Variants in SGCZ observed in about 807,000 individuals in gnomAD.
SGCZ encodes sarcoglycan zeta.
Under a neutral mutation model 41.3 loss-of-function variants are expected in SGCZ, and 40 were observed. The ratio of observed to expected loss-of-function variants is 0.97; its 90% confidence interval spans 0.75 to 1.26. SGCZ has a LOEUF of 1.26. SGCZ is among the 50% of genes most tolerant of loss of function. The pLI, the probability that SGCZ is intolerant of heterozygous loss-of-function variation, is 0.00. For synonymous variants in SGCZ, 206 were observed against 137.5 expected (o/e 1.50, Z -3.49); for missense variants, 552 against 369.8 (o/e 1.49, Z -4.04).
At chr8:14,225,714 T>C (rs146741476) in intron 4 of SGCZ, among the ~76,000 whole-genome samples, 1 of 151,996 alleles carries the variant, frequency 6.6e-6, no homozygotes, top group African/African-American at 2.4e-5. Context: ...ATAACAGATA[T>C]AGGTGACATA....
intron 4 of SGCZ, among the ~76,000 whole-genome samples, chr8:14,193,784 A>G (rs1805181359): frequency 6.6e-6 from 1 of 151,810 alleles, no homozygotes; most frequent in South Asian, 2.1e-4. Flanking sequence ...GTCCAGTCCA[A>G]CATGTATTTG....
intron 1 of SGCZ, among the ~76,000 whole-genome samples, chr8:14,757,545 T>A (rs1585235735): frequency 6.6e-6 from 1 of 152,258 alleles, no homozygotes; most frequent in Admixed American, 6.5e-5. Flanking sequence ...AACAGAAATC[T>A]TTCCTTAAAA....
intron 1 of SGCZ, among the ~76,000 whole-genome samples, chr8:15,008,228 T>A (rs1802677382): frequency 6.6e-6 from 1 of 152,132 alleles, no homozygotes; most frequent in African/African-American, 2.4e-5. Flanking sequence ...AACCTTATTT[T>A]ATCTACTCTG....
At chr8:15,144,907 A>G (rs1585609846) in intron 1 of SGCZ, among the ~76,000 whole-genome samples, 3 of 152,190 alleles carry the variant, frequency 2.0e-5, no homozygotes, top group African/African-American at 7.2e-5. Flanking sequence ...AACCTGATAC[A>G]TTCCATCTGC....
intron 1 of SGCZ, among the ~76,000 whole-genome samples, chr8:14,646,210 C>G (rs569710156): frequency 2.7e-5 from 4 of 149,638 alleles, no homozygotes; most frequent in African/African-American, 1.0e-4. Flanking sequence ...CTGACTCCCC[C>G]TTCTCTAGTA....
At chr8:14,375,981 GA>G (rs201067322) in intron 2 of SGCZ, among the ~76,000 whole-genome samples, 1 of 152,066 alleles carries the variant, frequency 6.6e-6, no homozygotes, top group East Asian at 1.9e-4. Context: ...ATTCAGGTGA[GA>G]AAAAAGCATA....
chr8:14,203,664 C>G (rs940624263), intron 4 of SGCZ, among the ~76,000 whole-genome samples: 1 of 152,086 alleles, frequency 6.6e-6, no homozygotes, highest in Non-Finnish European at 1.5e-5. Context: ...GAGGTGAGCA[C>G]CACAATCCAT....
At chr8:14,542,351 G>C (rs1416378345) in intron 2 of SGCZ, among the ~76,000 whole-genome samples, 4 of 151,846 alleles carry the variant, frequency 2.6e-5, no homozygotes, top group Non-Finnish European at 4.4e-5. Context: ...CAGGAGAAAA[G>C]GGCACTATCA....
chr8:14,289,209 C>T (rs1335442620), intron 3 of SGCZ, among the ~76,000 whole-genome samples: 2 of 102,498 alleles, frequency 2.0e-5, no homozygotes, highest in Non-Finnish European at 4.5e-5. Flanking sequence ...TATTTTCTCA[C>T]ATAGTAGGAT....
chr8:14,338,109 T>C (rs1425121303), intron 2 of SGCZ, among the ~76,000 whole-genome samples: 1 of 152,182 alleles, frequency 6.6e-6, no homozygotes, highest in Non-Finnish European at 1.5e-5. Context: ...GAAGTCAAGA[T>C]TCCTTGCCCA....
At chr8:14,174,738 G>C (rs1478641412) in intron 4 of SGCZ, among the ~76,000 whole-genome samples, 1 of 152,126 alleles carries the variant, frequency 6.6e-6, no homozygotes, top group African/African-American at 2.4e-5. Context: ...CAGGGCTGCT[G>C]TAATAAAGAC....
At chr8:15,176,816 A>C (rs974515789) in intron 1 of SGCZ, among the ~76,000 whole-genome samples, 2 of 152,188 alleles carry the variant, frequency 1.3e-5, no homozygotes, top group African/African-American at 4.8e-5. Flanking sequence ...CCTGGCTAAC[A>C]GGGTGAAACC....
intron 2 of SGCZ, among the ~76,000 whole-genome samples, chr8:14,388,736 G>A (rs1393491305): frequency 6.6e-6 from 1 of 151,586 alleles, no homozygotes; most frequent in East Asian, 1.9e-4. Flanking sequence ...TATTAATGAT[G>A]TAACAGTCTG....
At chr8:14,545,576 T>C (rs1803600834) in intron 2 of SGCZ, among the ~76,000 whole-genome samples, 1 of 152,200 alleles carries the variant, frequency 6.6e-6, no homozygotes, top group African/African-American at 2.4e-5. Flanking sequence ...AGTTTACATA[T>C]GGAGATGACA....
At chr8:14,887,831 T>C (rs531311321) in intron 1 of SGCZ, among the ~76,000 whole-genome samples, 1 of 152,282 alleles carries the variant, frequency 6.6e-6, no homozygotes, top group East Asian at 1.9e-4. Flanking sequence ...TTCCCTAATA[T>C]ACTCCAGATT....
intron 1 of SGCZ, among the ~76,000 whole-genome samples, chr8:14,663,156 A>G (rs531723243): frequency 1.3e-5 from 2 of 152,324 alleles, no homozygotes; most frequent in South Asian, 4.1e-4. Context: ...TTGAAGGAAC[A>G]ATAGAAAAAC....
At chr8:14,918,459 C>T (rs28562741) in intron 1 of SGCZ, among the ~76,000 whole-genome samples, 16,060 of 152,032 alleles carry the variant, frequency 0.11, 1,050 homozygotes, top group African/African-American at 0.17. Flanking sequence ...ACAAATTTTA[C>T]ACAGCTGTTA....
At chr8:15,055,622 C>T (rs1804676495) in intron 1 of SGCZ, among the ~76,000 whole-genome samples, 2 of 152,196 alleles carry the variant, frequency 1.3e-5, no homozygotes, top group African/African-American at 4.8e-5. Context: ...ACCCCCTTTG[C>T]CAAAGGCTCC....
At chr8:15,190,762 A>C (rs1800510096) in intron 1 of SGCZ, among the ~76,000 whole-genome samples, 1 of 152,060 alleles carries the variant, frequency 6.6e-6, no homozygotes, top group Non-Finnish European at 1.5e-5. Context: ...AAAAACTATC[A>C]ACAAAGATTT....
Sources: allele counts gnomAD v4.1 joint callset (sites outside exome capture counted in the v4.1 genomes callset), GRCh38; gene constraint gnomAD v4.1.1; transcripts MANE v1.5; gene names NCBI Gene and HGNC (gene_info 2026-07-23, HGNC 2026-07-21).